The following DACH2 variants were observed in gnomAD, a reference collection of about 807,000 sequenced individuals.
The protein encoded by DACH2 is dachshund homolog 2.
Under a neutral mutation model 35.8 loss-of-function variants are expected in DACH2, and 17 were observed. The observed-to-expected ratio is 0.48, with a 90% confidence interval of 0.33 to 0.71. The LOEUF is 0.71. DACH2 is among the 30% of genes least tolerant of loss of function. The pLI, the probability that DACH2 is intolerant of heterozygous loss-of-function variation, is 0.02. For missense variants in DACH2, 469 were observed against 472.7 expected (o/e 0.99, Z 0.07); for synonymous variants, 195 against 177.3 (o/e 1.10, Z -0.79).
At chrX:86,186,723 A>T (rs1160779456) in intron 1 of DACH2, among the ~76,000 whole-genome samples, 1 of 111,907 alleles carries the variant, frequency 8.9e-6, no homozygotes, top group Non-Finnish European at 1.9e-5. Context: ...CAAGAGAAGT[A>T]CATTGGAAAA....
intron 4 of DACH2, among the ~76,000 whole-genome samples, chrX:86,676,100 G>C (rs372911303): frequency 6.3e-5 from 7 of 111,439 alleles, no homozygotes; most frequent in East Asian, 2.8e-4. Flanking sequence ...TTATTTCTTT[G>C]ATTTTATGGT....
intron 2 of DACH2, among the ~76,000 whole-genome samples, chrX:86,409,226 G>A (rs1052313387): frequency 1.8e-5 from 2 of 111,194 alleles, no homozygotes; most frequent in Admixed American, 1.9e-4. Context: ...TTTTCAGGTT[G>A]CAAAGGTCTA....
chrX:86,725,306 T>C (rs2041453932), intron 6 of DACH2, among the ~76,000 whole-genome samples: 1 of 111,901 alleles, frequency 8.9e-6, no homozygotes, highest in Non-Finnish European at 1.9e-5. Flanking sequence ...AAATTGCTTT[T>C]ATACAGGAGG....
intron 2 of DACH2, among the ~76,000 whole-genome samples, chrX:86,467,140 A>C (rs752548774): frequency 8.9e-6 from 1 of 111,918 alleles, no homozygotes; most frequent in Non-Finnish European, 1.9e-5. Flanking sequence ...CAGGCTGCAC[A>C]CTTTTTGAAC....
At chrX:86,187,306 A>G (rs2147888737) in intron 1 of DACH2, among the ~76,000 whole-genome samples, 1 of 111,707 alleles carries the variant, frequency 9.0e-6, no homozygotes, top group Non-Finnish European at 1.9e-5. Context: ...AGGTTTAGAT[A>G]TAATCTCTAT....
At chrX:86,269,204 T>A (rs2033769851) in intron 1 of DACH2, among the ~76,000 whole-genome samples, 1 of 111,465 alleles carries the variant, frequency 9.0e-6, no homozygotes, top group South Asian at 3.8e-4. Context: ...TTTTGATTTT[T>A]AAATCCCACA....
chrX:86,621,221 C>G (rs1055623298), intron 3 of DACH2, among the ~76,000 whole-genome samples: 1 of 111,006 alleles, frequency 9.0e-6, no homozygotes, highest in African/African-American at 3.3e-5. Context: ...TAATTTTTTT[C>G]AAATCATTAC....
At chrX:86,536,539 A>C (rs1389158374) in intron 3 of DACH2, among the ~76,000 whole-genome samples, 2 of 111,349 alleles carry the variant, frequency 1.8e-5, no homozygotes, top group Admixed American at 1.9e-4. Context: ...CTTCATCTAC[A>C]TGATAAAAAC....
At chrX:86,294,905 C>A (rs1389995178) in intron 1 of DACH2, among the ~76,000 whole-genome samples, 8 of 110,678 alleles carry the variant, frequency 7.2e-5, no homozygotes, top group Non-Finnish European at 1.5e-4. Context: ...AGAGGTGGAG[C>A]CTACAGAGGC....
At chrX:86,322,553 G>A (rs768686275) in intron 1 of DACH2, among the ~76,000 whole-genome samples, 2 of 111,807 alleles carry the variant, frequency 1.8e-5, no homozygotes, top group Non-Finnish European at 3.8e-5. Context: ...AGAGGAAGAA[G>A]TCAATAGGGC....
intron 1 of DACH2, among the ~76,000 whole-genome samples, chrX:86,199,561 C>T (rs4828368): frequency 0.41 from 45,829 of 110,914 alleles, 7,880 homozygotes; most frequent in Middle Eastern, 0.55. Flanking sequence ...ACAACTTGAG[C>T]AAAGTCTCAG....
chrX:86,752,398 G>T (rs1056642355), intron 7 of DACH2, among the ~76,000 whole-genome samples: 2 of 111,122 alleles, frequency 1.8e-5, no homozygotes, highest in Admixed American at 9.6e-5. Flanking sequence ...TTTTATGTCT[G>T]TTTTGGAGAA....
At chrX:86,296,151 G>A (rs951040986) in intron 1 of DACH2, among the ~76,000 whole-genome samples, 36 of 107,341 alleles carry the variant, frequency 3.4e-4, no homozygotes, top group African/African-American at 6.8e-4. Flanking sequence ...AGGCCGAGGC[G>A]GGCGGATCAC....
intron 1 of DACH2, among the ~76,000 whole-genome samples, chrX:86,206,722 T>C (rs1393296070): frequency 9.0e-6 from 1 of 111,701 alleles, no homozygotes; most frequent in Non-Finnish European, 1.9e-5. Flanking sequence ...GTTTGCTTCG[T>C]TGGGTGTAAA....
chrX:86,788,067 A>T (rs1385417795), intron 7 of DACH2, among the ~76,000 whole-genome samples: 1 of 110,937 alleles, frequency 9.0e-6, no homozygotes, highest in African/African-American at 3.3e-5. Flanking sequence ...GGCTGTCTGC[A>T]TAGGTAGTGG....
At position 86,396,235 on chromosome X, in the gene DACH2, G is replaced by T. The variant is rs1384665978; in HGVS notation, c.527+19373G>T. 3.1e-4 allele frequency among the ~76,000 whole-genome samples: 33 copies of T among 108,034 alleles called. 3 individuals carry two copies. Among genetic ancestry groups the T allele is most frequent in the Admixed American group, 2.5e-3 (25 of 9,982 alleles). The allele number at this position is 108,034 out of a possible 115,157, so 93.8% of individuals were successfully genotyped here. A position where few individuals can be genotyped will look rare whatever the true frequency, so the allele number is the denominator to read the frequency against. ...CCTTCGCCCGCTTTTTGATGGGGTT[G>T]TTTGTTTTTTTCTTGTAAATTTGTT... On this transcript the variant is annotated intron_variant, in intron 2 of 11. Coordinates refer to ENST00000373125, the MANE Select transcript of DACH2 (RefSeq NM_053281.3).
intron 2 of DACH2, among the ~76,000 whole-genome samples, chrX:86,482,953 A>T (rs1602569498): frequency 1.1e-5 from 1 of 91,836 alleles, no homozygotes; most frequent in African/African-American, 4.0e-5. Flanking sequence ...GATCACATGG[A>T]CACAGGAAGG....
chrX:86,161,589 ATAAT>A (rs766101879), intron 1 of DACH2, among the ~76,000 whole-genome samples: 1 of 112,497 alleles, frequency 8.9e-6, no homozygotes, highest in Admixed American at 9.4e-5. Context: ...TGTGAAGAGA[ATAAT>A]TAATTGATTT....
intron 1 of DACH2, among the ~76,000 whole-genome samples, chrX:86,221,691 T>G (rs777208468): frequency 1.8e-5 from 2 of 112,248 alleles, no homozygotes; most frequent in Non-Finnish European, 3.8e-5. Context: ...TATTCATGTT[T>G]AGTGACATAA....
Sources: allele counts gnomAD v4.1 joint callset (sites outside exome capture counted in the v4.1 genomes callset), GRCh38; gene constraint gnomAD v4.1.1; transcripts MANE v1.5; gene names NCBI Gene and HGNC (gene_info 2026-07-23, HGNC 2026-07-21).